IMMP2L: variants seen among roughly 807,000 people sequenced by gnomAD.
The protein encoded by IMMP2L is mitochondrial inner membrane protease subunit 2.
In IMMP2L, 18 loss-of-function variants were observed where a neutral mutation model predicts 19.3. The observed-to-expected ratio is 0.93, with a 90% CI of 0.64 to 1.38. The LOEUF (loss-of-function observed/expected upper bound fraction) is 1.38. Ranked by LOEUF, IMMP2L falls within the 40% of genes most tolerant of loss-of-function variation. The pLI, the probability that IMMP2L is intolerant of heterozygous loss-of-function variation, is 0.00. For missense variants in IMMP2L, 233 were observed against 218.2 expected (o/e 1.07, Z -0.43); for synonymous variants, 76 against 73.0 (o/e 1.04, Z -0.21).
At chr7:111,560,446 C>G (rs1258738857) in intron 1 of IMMP2L, among the ~76,000 whole-genome samples, 1 of 152,130 alleles carries the variant, frequency 6.6e-6, no homozygotes, top group African/African-American at 2.4e-5. Flanking sequence ...AAGTTATCCT[C>G]ATCTAATTAT....
At chr7:110,925,566 C>T (rs1426657577) in intron 4 of IMMP2L, among the ~76,000 whole-genome samples, 1 of 152,016 alleles carries the variant, frequency 6.6e-6, no homozygotes, top group Non-Finnish European at 1.5e-5. Flanking sequence ...TAATCTCCTG[C>T]TTCATTAGGT....
At chr7:111,046,222 A>G (rs564858531) in intron 3 of IMMP2L, among the ~76,000 whole-genome samples, 85 of 152,278 alleles carry the variant, frequency 5.6e-4, no homozygotes, top group Admixed American at 4.4e-3. Flanking sequence ...GAACCAATAG[A>G]TTAAATAAAC....
chr7:110,694,851 A>G (rs1017979785), intron 5 of IMMP2L, among the ~76,000 whole-genome samples: 7 of 152,210 alleles, frequency 4.6e-5, no homozygotes, highest in Admixed American at 3.9e-4. Context: ...ATATATATCT[A>G]TCTATATCTA....
At chr7:110,923,729 C>G (rs1814545570) in intron 4 of IMMP2L, among the ~76,000 whole-genome samples, 1 of 151,950 alleles carries the variant, frequency 6.6e-6, no homozygotes, top group Non-Finnish European at 1.5e-5. Flanking sequence ...TGCCAACACA[C>G]TTATAATTTG....
intron 3 of IMMP2L, among the ~76,000 whole-genome samples, chr7:111,424,940 T>C (rs1428603497): frequency 1.3e-5 from 2 of 151,776 alleles, no homozygotes; most frequent in Non-Finnish European, 2.9e-5. Flanking sequence ...ATAGCAATTA[T>C]ATGGCATAAT....
chr7:111,466,421 A>G (rs1276541740), intron 3 of IMMP2L, among the ~76,000 whole-genome samples: 3 of 152,138 alleles, frequency 2.0e-5, no homozygotes, highest in African/African-American at 4.8e-5. Context: ...AGAAATCCTC[A>G]TTGATCTTTG....
rs1162639955 is a variant in IMMP2L, at chr7:111,234,095, T to C, written c.239+253143A>G. 2.0e-5 allele frequency among the ~76,000 whole-genome samples: 3 copies of C among 152,104 alleles called. No homozygotes were observed. The East Asian group carries it at 5.8e-4, about 29-fold the overall frequency. On this transcript the variant is annotated intron_variant, in intron 3 of 5. Transcript: ENST00000405709. ...CCCTTTAAGTATTGTTTTAGCTACATCCCACAAATCTTGATGTGTTTTCAT... is the reference window on the plus strand; with the variant it reads ...CCCTTTAAGTATTGTTTTAGCTACACCCCACAAATCTTGATGTGTTTTCAT...
At chr7:111,255,442 T>C (rs1816597615) in intron 3 of IMMP2L, among the ~76,000 whole-genome samples, 1 of 152,010 alleles carries the variant, frequency 6.6e-6, no homozygotes, top group Admixed American at 6.6e-5. Context: ...CCACTTAAAA[T>C]GATTCATTAT....
At chr7:110,795,275 C>T (rs1800784221) in intron 5 of IMMP2L, among the ~76,000 whole-genome samples, 1 of 152,010 alleles carries the variant, frequency 6.6e-6, no homozygotes, top group Non-Finnish European at 1.5e-5. Context: ...GTAGGTTTTC[C>T]TAGCTGTTGA....
intron 3 of IMMP2L, among the ~76,000 whole-genome samples, chr7:111,022,763 G>C (rs768937634): frequency 6.6e-6 from 1 of 152,084 alleles, no homozygotes; most frequent in Admixed American, 6.5e-5. Flanking sequence ...CAATTGCTCC[G>C]TCACCAATCT....
At chr7:111,397,111 C>G (rs1488114734) in intron 3 of IMMP2L, among the ~76,000 whole-genome samples, 2 of 151,622 alleles carry the variant, frequency 1.3e-5, no homozygotes, top group Admixed American at 1.3e-4. Context: ...AAACATTTTT[C>G]ACTATAAGAA....
chr7:110,979,650 G>A (rs558929585), intron 3 of IMMP2L, among the ~76,000 whole-genome samples: 1 of 150,946 alleles, frequency 6.6e-6, no homozygotes, highest in Admixed American at 6.6e-5. Context: ...AAAGTATAAT[G>A]AAAGAAAGGG....
chr7:111,496,273 A>C (rs1359555044), intron 2 of IMMP2L, among the ~76,000 whole-genome samples: 2 of 152,186 alleles, frequency 1.3e-5, no homozygotes, highest in Non-Finnish European at 2.9e-5. Context: ...GTGCATAATA[A>C]AATAGACTAT....
chr7:111,290,267 C>T (rs1362734896), intron 3 of IMMP2L, among the ~76,000 whole-genome samples: 1 of 152,114 alleles, frequency 6.6e-6, no homozygotes, highest in East Asian at 1.9e-4. Context: ...GCTGTTGAAT[C>T]CTTTCATACT....
At chr7:110,681,937 C>G (rs1792749970) in intron 5 of IMMP2L, among the ~76,000 whole-genome samples, 1 of 152,090 alleles carries the variant, frequency 6.6e-6, no homozygotes, top group Non-Finnish European at 1.5e-5. Flanking sequence ...AGCAAGAGAA[C>G]AGTCAGGAGT....
At chr7:111,382,359 A>T (rs1302587702) in intron 3 of IMMP2L, among the ~76,000 whole-genome samples, 5 of 151,304 alleles carry the variant, frequency 3.3e-5, no homozygotes, top group Admixed American at 6.6e-5. Flanking sequence ...TGCCAGAAAA[A>T]AAATCAAAAA....
intron 3 of IMMP2L, among the ~76,000 whole-genome samples, chr7:110,971,141 G>A (rs1820098587): frequency 6.6e-6 from 1 of 152,096 alleles, no homozygotes; most frequent in Admixed American, 6.6e-5. Context: ...AATATTAGAA[G>A]TACCTGTAGC....
intron 3 of IMMP2L, among the ~76,000 whole-genome samples, chr7:111,011,156 A>T (rs1425075856): frequency 6.6e-6 from 1 of 152,140 alleles, no homozygotes; most frequent in Admixed American, 6.6e-5. Flanking sequence ...AGTACCCACT[A>T]AATTTTAAAA....
At chr7:111,066,799 T>C (rs189549899) in intron 3 of IMMP2L, among the ~76,000 whole-genome samples, 47 of 152,352 alleles carry the variant, frequency 3.1e-4, no homozygotes, top group Non-Finnish European at 6.3e-4. Flanking sequence ...TCTACCAATA[T>C]GAATTACGGT....
Sources: allele counts gnomAD v4.1 joint callset (sites outside exome capture counted in the v4.1 genomes callset), GRCh38; gene constraint gnomAD v4.1.1; transcripts MANE v1.5; gene names NCBI Gene and HGNC (gene_info 2026-07-23, HGNC 2026-07-21).